ROBO2: variants seen among roughly 807,000 people sequenced by gnomAD.
The protein encoded by ROBO2 is roundabout homolog 2.
In ROBO2, 53 loss-of-function variants were observed where a neutral mutation model predicts 160.8. The observed-to-expected ratio is 0.33, with a 90% CI of 0.26 to 0.41. The LOEUF is 0.41. Ranked by LOEUF, ROBO2 falls within the 10% of genes least tolerant of loss-of-function variation. The probability of loss-of-function intolerance (pLI) is 1.00; values close to 1 mark genes in which losing one functional copy is unlikely to be tolerated. For missense variants in ROBO2, 1,577 were observed against 1,722.4 expected (o/e 0.92, Z 1.49); for synonymous variants, 664 against 611.7 (o/e 1.09, Z -1.26).
intron 2 of ROBO2, among the ~76,000 whole-genome samples, chr3:76,062,455 A>C (rs1322806262): frequency 6.6e-6 from 1 of 152,200 alleles, no homozygotes; most frequent in Non-Finnish European, 1.5e-5. Flanking sequence ...AAAACATTGT[A>C]CCAGGTTTTG....
intron 2 of ROBO2, among the ~76,000 whole-genome samples, chr3:76,092,646 T>TTAG (rs964213997): frequency 1.3e-5 from 2 of 152,302 alleles, no homozygotes; most frequent in Admixed American, 6.5e-5. Context: ...CTTGTTTCTG[T>TTAG]TAGGATCATT....
chr3:76,056,934 TA>T (rs1559873874), intron 2 of ROBO2, among the ~76,000 whole-genome samples: 1 of 152,170 alleles, frequency 6.6e-6, no homozygotes, highest in Non-Finnish European at 1.5e-5. Flanking sequence ...AGCTAAAAGT[TA>T]TGGTCCTTTT....
At chr3:75,967,734 C>G (rs1456850795) in intron 2 of ROBO2, among the ~76,000 whole-genome samples, 1 of 151,278 alleles carries the variant, frequency 6.6e-6, no homozygotes. Flanking sequence ...AAAAACCAAC[C>G]TTATTTTTAG....
chr3:76,065,020 T>C (rs2068204842), intron 2 of ROBO2, among the ~76,000 whole-genome samples: 1 of 152,120 alleles, frequency 6.6e-6, no homozygotes, highest in East Asian at 1.9e-4. Context: ...ATTGTTGTTA[T>C]ATTGAGTCCA....
At chr3:76,791,461 C>G (rs1432221179) in intron 2 of ROBO2, among the ~76,000 whole-genome samples, 1 of 151,506 alleles carries the variant, frequency 6.6e-6, no homozygotes, top group African/African-American at 2.4e-5. Flanking sequence ...GTCTCTCTCT[C>G]TCTCTTTTCT....
chr3:77,230,892 G>A (rs1041976537), intron 2 of ROBO2, among the ~76,000 whole-genome samples: 4 of 152,010 alleles, frequency 2.6e-5, no homozygotes, highest in African/African-American at 7.3e-5. Flanking sequence ...AGCCTTTAGC[G>A]TATCTAGATT....
intron 2 of ROBO2, among the ~76,000 whole-genome samples, chr3:76,399,258 G>A (rs3849481): frequency 0.72 from 109,379 of 151,550 alleles, 40,583 homozygotes; most frequent in African/African-American, 0.91. Context: ...CAGAACTAAC[G>A]TGACAACTGT....
intron 2 of ROBO2, among the ~76,000 whole-genome samples, chr3:76,178,762 G>T (rs1256409440): frequency 6.6e-6 from 1 of 152,004 alleles, no homozygotes; most frequent in Non-Finnish European, 1.5e-5. Context: ...GACCAACATG[G>T]AAAACCCTGT....
chr3:76,071,911 TTTC>T (rs1298597478), intron 2 of ROBO2, among the ~76,000 whole-genome samples: 2 of 152,142 alleles, frequency 1.3e-5, no homozygotes, highest in Admixed American at 1.3e-4. Flanking sequence ...TTTGGTTCAC[TTTC>T]TTCTTCATGT....
chr3:76,906,492 T>C (rs6764420), intron 2 of ROBO2, among the ~76,000 whole-genome samples: 1 of 151,736 alleles, frequency 6.6e-6, no homozygotes, highest in East Asian at 1.9e-4. Flanking sequence ...TTCGGTGGTA[T>C]CTGATAATAA....
intron 2 of ROBO2, among the ~76,000 whole-genome samples, chr3:77,188,968 TGAGA>T (rs1553828869): frequency 9.8e-4 from 140 of 142,244 alleles, no homozygotes; most frequent in Non-Finnish European, 1.2e-3. Flanking sequence ...TGTGTGTGTG[TGAGA>T]GAGAGAGAGA....
rs1370816946 is a variant in ROBO2, at chr3:77,102,154, G to T, written c.388+3814G>T. On this transcript the variant is annotated intron_variant, in intron 2 of 25. Transcript: ENST00000461745. The stretch of plus-strand genomic sequence containing the variant: ...GATGGGGACAGAACAGCTGAAGAGC[G>T]AGTAGTGGTGGGATGGAAGTAGCAA... Among the ~76,000 whole-genome samples, 4 of 152,200 alleles carry T rather than the reference G, an allele frequency of 2.6e-5. No individual in the cohort carries two copies. The East Asian group carries it at 5.8e-4, about 22-fold the overall frequency.
intron 2 of ROBO2, among the ~76,000 whole-genome samples, chr3:76,110,113 G>C (rs1357948955): frequency 2.0e-5 from 3 of 151,352 alleles, no homozygotes; most frequent in Non-Finnish European, 4.4e-5. Context: ...AGATATATGG[G>C]AAGTCTTCCT....
intron 2 of ROBO2, among the ~76,000 whole-genome samples, chr3:76,487,364 G>T (rs950918360): frequency 6.6e-6 from 1 of 151,906 alleles, no homozygotes; most frequent in African/African-American, 2.4e-5. Context: ...GGGCTTAAAA[G>T]GGGGATAAAA....
intron 11 of ROBO2, chr3:77,564,495 A>T (rs1261122360): frequency 6.6e-6 from 3 of 455,570 alleles, no homozygotes; most frequent in African/African-American, 6.0e-5. Flanking sequence ...TGTGGAAATG[A>T]TGCAAAAGAA....
intron 2 of ROBO2, among the ~76,000 whole-genome samples, chr3:76,117,041 T>G (rs2070501581): frequency 1.3e-5 from 2 of 152,194 alleles, no homozygotes. Context: ...CAGTTACAGC[T>G]TCATCATAAA....
intron 2 of ROBO2, among the ~76,000 whole-genome samples, chr3:76,100,574 A>C (rs2069642919): frequency 6.6e-6 from 1 of 152,356 alleles, no homozygotes; most frequent in Non-Finnish European, 1.5e-5. Context: ...AAGAAGAATA[A>C]CAATATGTAT....
intron 2 of ROBO2, among the ~76,000 whole-genome samples, chr3:76,078,898 T>C (rs924007224): frequency 6.6e-6 from 1 of 152,200 alleles, no homozygotes; most frequent in Non-Finnish European, 1.5e-5. Context: ...TCAACATTCA[T>C]TGTTGCCTGT....
intron 2 of ROBO2, among the ~76,000 whole-genome samples, chr3:76,271,509 T>C (rs1045181560): frequency 4.8e-4 from 72 of 149,752 alleles, no homozygotes; most frequent in African/African-American, 1.7e-3. Flanking sequence ...TATTAAAGCA[T>C]CTAGTATGTT....
Sources: gnomAD v4.1 joint callset for allele counts (sites outside exome capture counted in the v4.1 genomes callset) on GRCh38, gnomAD v4.1.1 for gene constraint, MANE v1.5 for transcripts, NCBI Gene and HGNC (gene_info 2026-07-23, HGNC 2026-07-21) for gene names.